Variants in DEPDC7 observed in about 807,000 individuals in gnomAD.
DEPDC7 encodes the protein DEP domain-containing protein 7.
DEPDC7 carries 41 observed loss-of-function variants against 56.6 expected under a neutral mutation model. The observed-to-expected ratio is 0.72, with a 90% CI of 0.56 to 0.94. The LOEUF is 0.94. Ranked by LOEUF, DEPDC7 falls within the 40% of genes least tolerant of loss-of-function variation. The pLI, the probability that DEPDC7 is intolerant of heterozygous loss-of-function variation, is 0.00. For synonymous variants in DEPDC7, 185 were observed against 208.8 expected (o/e 0.89, Z 0.98); for missense variants, 522 against 596.3 (o/e 0.88, Z 1.30).
At chr11:33,028,883 A>G (rs1392512875) in intron 4 of DEPDC7, 91 bp downstream of exon 4, 2 of 925,946 alleles carry the variant, frequency 2.2e-6, no homozygotes, top group East Asian at 5.3e-5. Context: ...TTTTTTCTAT[A>G]GGATCAGATA....
intron 1 of DEPDC7, among the ~76,000 whole-genome samples, chr11:33,017,775 AAGGG>A (rs1390587217): frequency 6.6e-6 from 1 of 152,158 alleles, no homozygotes; most frequent in Non-Finnish European, 1.5e-5. Flanking sequence ...ACTTACCTTA[AAGGG>A]GCTGTAATGA....
At chr11:33,016,695 C>A in intron 1 of DEPDC7, 1 of 1,031,202 alleles carries the variant, frequency 9.7e-7, no homozygotes, top group Non-Finnish European at 1.5e-6. Context: ...TGCCACGGGC[C>A]TAATCGTGTC....
chr11:33,031,972 A>G (rs1029061926), intron 5 of DEPDC7, among the ~76,000 whole-genome samples: 5 of 138,870 alleles, frequency 3.6e-5, no homozygotes, highest in Non-Finnish European at 6.3e-5. Flanking sequence ...AACAAATTGG[A>G]GGTTTCAGAA....
chr11:33,023,779 A>C (rs1489517627), intron 1 of DEPDC7, among the ~76,000 whole-genome samples: 1 of 152,210 alleles, frequency 6.6e-6, no homozygotes, highest in Admixed American at 6.5e-5. Context: ...TCAGGAGCTT[A>C]TCTTATGCTT....
At chr11:33,021,231 C>A (rs1225917922) in intron 1 of DEPDC7, among the ~76,000 whole-genome samples, 2 of 144,528 alleles carry the variant, frequency 1.4e-5, no homozygotes, top group African/African-American at 5.1e-5. Context: ...AGCCTGGCGA[C>A]AGAGTGAGAC....
chr11:33,018,478 G>C (rs1024512528), intron 1 of DEPDC7, among the ~76,000 whole-genome samples: 1 of 152,070 alleles, frequency 6.6e-6, no homozygotes. Context: ...TAAATCCTCT[G>C]GTATGTGTCA....
intron 1 of DEPDC7, among the ~76,000 whole-genome samples, chr11:33,018,978 C>G (rs1230600053): frequency 6.6e-6 from 1 of 152,200 alleles, no homozygotes; most frequent in Non-Finnish European, 1.5e-5. Context: ...GGAGTTAGCT[C>G]TGTTTTGCAA....
At chr11:33,028,927 A>G in intron 4 of DEPDC7, 135 bp downstream of exon 4, 1 of 549,508 alleles carries the variant, frequency 1.8e-6, no homozygotes, top group Non-Finnish European at 2.8e-6. Context: ...GTATTTGAGA[A>G]TGTGAAGAAC....
chr11:33,019,291 A>G (rs1261265657), intron 1 of DEPDC7, among the ~76,000 whole-genome samples: 1 of 152,138 alleles, frequency 6.6e-6, no homozygotes, highest in Non-Finnish European at 1.5e-5. Flanking sequence ...ACTCATTGTG[A>G]CAATCAAAAA....
Position 33,025,833 on chromosome 11 carries a change from A to T in DEPDC7, c.248A>T (p.Lys83Met), listed in dbSNP as rs749457582. ...DVIFSHLIQN[K>M]YFGDVDIPRA... ...ATTTTTTCTCACCTAATTCAGAATA[A>T]GTATTTTGGTGATGTAGATATTCCT... The change falls in exon 2 of 9, where the codon AAG becomes ATG. Residue 83 changes from lysine (K) to methionine (M), a missense_variant. Transcript: ENST00000241051. 6.2e-7 allele frequency: 1 copy of T among 1,614,192 alleles called. No homozygotes were observed. The highest frequency in any genetic ancestry group is 1.1e-5 in the South Asian group (1 of 91,086).
chr11:33,031,786 C>A (rs1853635694), intron 5 of DEPDC7, among the ~76,000 whole-genome samples, 197 bp downstream of exon 5: 1 of 152,218 alleles, frequency 6.6e-6, no homozygotes, highest in African/African-American at 2.4e-5. Flanking sequence ...TATGCAGAAA[C>A]TTCTGGTTAC....
chr11:33,033,471 A>G lies in DEPDC7; in HGVS notation c.*16A>G. The G allele has an allele frequency of 6.9e-7, 1 of 1,450,692 alleles. No homozygotes were observed. Among genetic ancestry groups the G allele is most frequent in the Non-Finnish European group, 9.3e-7 (1 of 1,076,136 alleles). The allele number at this position is 1,450,692 out of a possible 1,614,324, so 89.9% of individuals were successfully genotyped here. The stretch of plus-strand genomic sequence containing the variant: ...TGGAGACTGAGTTTTTAATATCTGT[A>G]TATAAGTTGTGTATTTTAAGAATAA... On this transcript the variant is annotated 3_prime_UTR_variant, in exon 9 of 9. Transcript: ENST00000241051.
intron 3 of DEPDC7, 58 bp from the exon 4 acceptor site, chr11:33,028,545 G>T: frequency 1.5e-6 from 2 of 1,378,446 alleles, no homozygotes; most frequent in Non-Finnish European, 2.0e-6. Context: ...AAAATATTAT[G>T]GTGAGCATAT....
chr11:33,016,089 T>C, intron 1 of DEPDC7, 61 bp downstream of exon 1: 2 of 1,306,506 alleles, frequency 1.5e-6, no homozygotes, highest in Non-Finnish European at 1.9e-6. Context: ...GCGGGCTGGG[T>C]CCCGGCGCGG....
At position 33,028,809 on chromosome 11, in the gene DEPDC7, ATAATAAT is replaced by A; in HGVS notation, c.782+19_782+25del. Reference sequence around the variant, plus strand: ...TGACTCTCAGTATGTGGAAATACATATAATAATTTGAGTGTGTTTGTAGGTAGATTGA... The same window carrying A: ...TGACTCTCAGTATGTGGAAATACATATTGAGTGTGTTTGTAGGTAGATTGA... On this transcript the variant is annotated intron_variant, in intron 4 of 8. Coordinates refer to ENST00000241051, the MANE Select transcript of DEPDC7 (RefSeq NM_001077242.2). 1 of 1,565,840 alleles carries A rather than the reference ATAATAAT, an allele frequency of 6.4e-7. No homozygotes were observed.
At chr11:33,032,251 TAACTCAA>T in intron 5 of DEPDC7, 78 bp from the exon 6 acceptor site, 1 of 1,263,628 alleles carries the variant, frequency 7.9e-7, no homozygotes, top group South Asian at 1.5e-5. Flanking sequence ...GTGCACTTTT[TAACTCAA>T]ACTGTAACTT....
chr11:33,028,862 C>A, intron 4 of DEPDC7, 70 bp downstream of exon 4: 3 of 1,185,124 alleles, frequency 2.5e-6, no homozygotes, highest in Non-Finnish European at 3.5e-6. Context: ...TTAAGGTAAT[C>A]TGTTCTATTC....
chr11:33,021,852 C>G (rs963701496), intron 1 of DEPDC7, among the ~76,000 whole-genome samples: 1 of 152,178 alleles, frequency 6.6e-6, no homozygotes, highest in Non-Finnish European at 1.5e-5. Flanking sequence ...ATACAACCTG[C>G]AGAACCTCCT....
chr11:33,019,814 C>T (rs1564963092), intron 1 of DEPDC7, among the ~76,000 whole-genome samples: 2 of 151,426 alleles, frequency 1.3e-5, no homozygotes, highest in South Asian at 2.1e-4. Flanking sequence ...TGAAAGAAAT[C>T]GGGCACTAGC....
Sources: gnomAD v4.1 joint callset for allele counts (sites outside exome capture counted in the v4.1 genomes callset) on GRCh38, gnomAD v4.1.1 for gene constraint, MANE v1.5 for transcripts, NCBI Gene and HGNC (gene_info 2026-07-23, HGNC 2026-07-21) for gene names.